Variants in MAP3K13 observed in about 807,000 individuals in gnomAD.
MAP3K13 encodes the protein mitogen-activated protein kinase kinase kinase 13, also known as leucine zipper-bearing kinase.
MAP3K13 carries 52 observed loss-of-function variants against 104.0 expected under a neutral mutation model. The ratio of observed to expected loss-of-function variants is 0.50; its 90% CI spans 0.40 to 0.63. MAP3K13 has a LOEUF of 0.63. Ranked by LOEUF, MAP3K13 falls within the 20% of genes least tolerant of loss-of-function variation. The pLI, the probability that MAP3K13 is intolerant of heterozygous loss-of-function variation, is 0.00. For synonymous variants in MAP3K13, 394 were observed against 442.2 expected, an observed-to-expected ratio of 0.89 and a Z score of 1.37; for missense variants, 914 against 1,218.5, an observed-to-expected ratio of 0.75 and a Z score of 3.72.
intron 2 of MAP3K13, among the ~76,000 whole-genome samples, chr3:185,331,733 C>A (rs1032820697): frequency 5.3e-5 from 8 of 152,184 alleles, no homozygotes; most frequent in African/African-American, 1.9e-4. Context: ...ACTTCCCACT[C>A]CAGCCAGTTC....
intron 2 of MAP3K13, among the ~76,000 whole-genome samples, chr3:185,348,924 CAAACAAAT>C (rs1229881895): frequency 2.7e-5 from 4 of 149,264 alleles, no homozygotes; most frequent in Admixed American, 6.7e-5. Context: ...TCAAAACAAA[CAAACAAAT>C]AAATAAATAA....
intron 1 of MAP3K13, among the ~76,000 whole-genome samples, chr3:185,391,495 T>C (rs989240543): frequency 6.6e-6 from 1 of 152,228 alleles, no homozygotes; most frequent in African/African-American, 2.4e-5. Context: ...TATCAGTTAA[T>C]TTCAAAAACA....
At chr3:185,463,821 A>G (rs761548428) in intron 8 of MAP3K13, among the ~76,000 whole-genome samples, 162 bp downstream of exon 8, 2 of 152,238 alleles carry the variant, frequency 1.3e-5, no homozygotes, top group South Asian at 4.2e-4. Flanking sequence ...CTTCCTTTGT[A>G]TCTCTTTCCT....
chr3:185,482,581 C>A lies in MAP3K13; in HGVS notation c.*125C>A. 1 of 666,834 alleles carries A rather than the reference C, an allele frequency of 1.5e-6. No individual in the cohort carries two copies. Among genetic ancestry groups the A allele is most frequent in the Non-Finnish European group, 2.6e-6 (1 of 379,754 alleles). 41.3% of individuals were successfully genotyped at this position (666,834 alleles called of 1,614,324 possible). ...AAGAGAGACTACCCCATCTTTACCA[C>A]CCCCTAGAAATGAGCTGCAATAACA... On this transcript the variant is annotated 3_prime_UTR_variant, in exon 14 of 14. Coordinates refer to ENST00000265026, the MANE Select transcript of MAP3K13 (RefSeq NM_004721.5). The surrounding 1 kb of genome is among the most constrained non-coding windows in gnomAD (Gnocchi z 4.5).
rs956886603 is a variant in MAP3K13, at chr3:185,405,876, G to C, written c.-85-22621G>C. 2.0e-5 allele frequency among the ~76,000 whole-genome samples: 3 copies of C among 152,230 alleles called. No homozygotes were observed. In the East Asian group the frequency reaches 5.8e-4, roughly 29 times the overall value. On this transcript the variant is annotated intron_variant, in intron 1 of 13. Transcript: ENST00000265026. The stretch of plus-strand genomic sequence containing the variant: ...ATTCCATCATCCATGGCATCATAAC[G>C]TGATGTCTGGCACATGCTCAATACA...
intron 2 of MAP3K13, among the ~76,000 whole-genome samples, chr3:185,307,541 A>ACACCCCCCC (rs1721327900): frequency 1.4e-5 from 1 of 71,066 alleles, no homozygotes; most frequent in Non-Finnish European, 2.6e-5. Context: ...TTGGTGCACC[A>ACACCCCCCC]CCCCCTCCCC....
intron 2 of MAP3K13, among the ~76,000 whole-genome samples, chr3:185,298,131 A>G (rs1302349821): frequency 6.6e-6 from 1 of 152,216 alleles, no homozygotes; most frequent in Non-Finnish European, 1.5e-5. Flanking sequence ...AAGAATATTT[A>G]GCTAAATGGT....
Position 185,286,840 on chromosome 3 carries a change from T to C in MAP3K13, c.-86+1197T>C, listed in dbSNP as rs533833137. On this transcript the variant is annotated intron_variant, in intron 2 of 14. Coordinates refer to the MAP3K13 transcript ENST00000424227. ...ACTTACATCTCACATTTTTTCCATA[T>C]ACTATTTCTGCTGGGTTGATTTTTT... 7.2e-5 allele frequency among the ~76,000 whole-genome samples: 11 copies of C among 152,176 alleles called. 1 individual carries two copies. In the South Asian group the frequency reaches 1.5e-3, roughly 20 times the overall value.
rs1054014946 is a variant in MAP3K13, at chr3:185,483,275, G to A, written c.*819G>A. 5 of 232,170 alleles carry A rather than the reference G, an allele frequency of 2.2e-5. No individual in the cohort carries two copies. Among genetic ancestry groups the A allele is most frequent in the South Asian group, 1.8e-4 (1 of 5,528 alleles). The allele number at this position is 232,170 out of a possible 1,614,324, so 14.4% of individuals were successfully genotyped here. A position where few individuals can be genotyped will look rare whatever the true frequency, so the allele number is the denominator to read the frequency against. On this transcript the variant is annotated 3_prime_UTR_variant, in exon 14 of 14. Transcript: ENST00000265026. ...GTCAAATCTTGTTTTTGGCAAATAC[G>A]TCCCTTTTTAGTGCTGTCACTGTCA...
At chr3:185,419,612 T>C (rs1199666530) in intron 1 of MAP3K13, among the ~76,000 whole-genome samples, 2 of 152,192 alleles carry the variant, frequency 1.3e-5, no homozygotes, top group African/African-American at 4.8e-5. Context: ...TTTTTATGCC[T>C]ATTAATATTT....
chr3:185,313,407 C>G (rs1192115792), intron 2 of MAP3K13, among the ~76,000 whole-genome samples: 1 of 151,192 alleles, frequency 6.6e-6, no homozygotes, highest in Non-Finnish European at 1.5e-5. Context: ...GTAGCTGGGA[C>G]TACAGGCGCT....
At chr3:185,296,622 T>C (rs1354661674) in intron 2 of MAP3K13, among the ~76,000 whole-genome samples, 1 of 152,208 alleles carries the variant, frequency 6.6e-6, no homozygotes, top group Non-Finnish European at 1.5e-5. Context: ...TGTTCTCCAT[T>C]GTACTTATCT....
intron 12 of MAP3K13, among the ~76,000 whole-genome samples, chr3:185,478,526 CT>C (rs1460297999): frequency 2.0e-5 from 3 of 152,104 alleles, no homozygotes; most frequent in Admixed American, 6.5e-5. Context: ...ATCTGCCCCC[CT>C]GACCCCCAAC....
intron 1 of MAP3K13, among the ~76,000 whole-genome samples, chr3:185,399,644 GA>G (rs1560085972): frequency 9.3e-5 from 1 of 10,802 alleles, no homozygotes; most frequent in African/African-American, 2.8e-4. Context: ...GGGGGGGAGG[GA>G]GGGAGGAAAA....
intron 3 of MAP3K13, among the ~76,000 whole-genome samples, chr3:185,442,065 G>T (rs932619912): frequency 6.7e-6 from 1 of 149,348 alleles, no homozygotes; most frequent in African/African-American, 2.4e-5. Flanking sequence ...AATTAGCCTG[G>T]CGTGGTGGTG....
At chr3:185,394,977 G>A (rs541003607) in intron 1 of MAP3K13, among the ~76,000 whole-genome samples, 4 of 152,134 alleles carry the variant, frequency 2.6e-5, no homozygotes, top group African/African-American at 9.7e-5. Flanking sequence ...TGACTTCATG[G>A]AAGTTGATAT....
At chr3:185,308,101 T>G (rs6779106) in intron 2 of MAP3K13, among the ~76,000 whole-genome samples, 99,523 of 146,456 alleles carry the variant, frequency 0.68, 35,270 homozygotes, top group Non-Finnish European at 0.78. Flanking sequence ...TGCTGGGATT[T>G]GCACATTTTT....
chr3:185,356,886 G>T (rs1723377324), intron 2 of MAP3K13, among the ~76,000 whole-genome samples: 1 of 152,074 alleles, frequency 6.6e-6, no homozygotes, highest in Admixed American at 6.6e-5. Flanking sequence ...ATGTATGTAT[G>T]TATGTATGTA....
In MAP3K13 at chr3:185,306,619, A is replaced by G. The variant is rs114638660; in HGVS notation, c.-86+20976A>G. Among the ~76,000 whole-genome samples, 397 of 152,224 alleles carry G rather than the reference A, an allele frequency of 2.6e-3. 2 individuals are homozygous for G. Among genetic ancestry groups the G allele is most frequent in the African/African-American group, 9.2e-3 (383 of 41,534 alleles). Reference sequence around the variant, plus strand: ...TTCAAAGTTCCTTTGCACACTTTTAATGGGGTTATTTGACTTTTGCTTGTT... The same window carrying G: ...TTCAAAGTTCCTTTGCACACTTTTAGTGGGGTTATTTGACTTTTGCTTGTT... On this transcript the variant is annotated intron_variant, in intron 2 of 14. Transcript: ENST00000424227.
Sources: allele counts gnomAD v4.1 joint callset (sites outside exome capture counted in the v4.1 genomes callset), GRCh38; gene constraint gnomAD v4.1.1; non-coding constraint Gnocchi (gnomAD v3.1); transcripts MANE v1.5; gene names NCBI Gene and HGNC (gene_info 2026-07-23, HGNC 2026-07-21).